ARHGEF12: variants seen among roughly 807,000 people sequenced by gnomAD.
ARHGEF12 encodes the protein KMT2A/ARHGEF12 fusion protein.
A neutral mutation model predicts 211.2 loss-of-function variants in ARHGEF12; 66 were observed. The observed-to-expected ratio is 0.31, with a 90% CI of 0.26 to 0.38. The LOEUF (loss-of-function observed/expected upper bound fraction) is 0.38. Ranked by LOEUF, ARHGEF12 falls within the 10% of genes least tolerant of loss-of-function variation. ARHGEF12 has a pLI of 1.00. For synonymous variants in ARHGEF12, 592 were observed against 638.4 expected, an observed-to-expected ratio of 0.93 and a Z score of 1.09; for missense variants, 1,429 against 1,869.5, an observed-to-expected ratio of 0.76 and a Z score of 4.34.
intron 22 of ARHGEF12, 187 bp from the exon 23 acceptor site, chr11:120,456,931 A>C: frequency 1.9e-6 from 1 of 532,938 alleles, no homozygotes; most frequent in East Asian, 3.3e-5. Flanking sequence ...CTGAGATGGG[A>C]GGATCATGTG....
chr11:120,455,771 A>C (rs1946343487), intron 22 of ARHGEF12, among the ~76,000 whole-genome samples: 1 of 152,240 alleles, frequency 6.6e-6, no homozygotes, highest in Admixed American at 6.5e-5. Context: ...GATTTTAGGC[A>C]GTGGATAGTA....
Position 120,480,094 on chromosome 11 carries a change from G to A in ARHGEF12, c.3901G>A (p.Glu1301Lys), listed in dbSNP as rs1245763307. Reference protein sequence around the residue: ...PQTDSVIQNSENIKAYHSGEG... With the variant: ...PQTDSVIQNSKNIKAYHSGEG... ...GACAGACAGTGTCATCCAGAACTCTGAAAATATTAAGGCCTATCATTCTGG... is the reference window on the plus strand; with the variant it reads ...GACAGACAGTGTCATCCAGAACTCTAAAAATATTAAGGCCTATCATTCTGG... The change falls in exon 38 of 41, where the codon GAA (glutamate) becomes AAA (lysine). Residue 1301 changes from glutamate (E) to lysine (K), a missense_variant. Physicochemically the swap from Glu to Lys is moderately conservative, Grantham distance 56. Coordinates refer to ENST00000397843, the MANE Select transcript of ARHGEF12 (RefSeq NM_015313.3). The A allele has an allele frequency of 1.9e-6, 3 of 1,614,168 alleles. No homozygotes were observed. Among genetic ancestry groups the A allele is most frequent in the Non-Finnish European group, 2.5e-6 (3 of 1,180,024 alleles).
intron 4 of ARHGEF12, among the ~76,000 whole-genome samples, chr11:120,416,250 T>C (rs1040943748): frequency 3.3e-5 from 5 of 152,316 alleles, no homozygotes; most frequent in African/African-American, 1.2e-4. Flanking sequence ...TGTCTGAATT[T>C]CATTAATTCA....
intron 36 of ARHGEF12, among the ~76,000 whole-genome samples, 158 bp from the exon 37 acceptor site, chr11:120,477,998 A>G (rs981913609): frequency 2.6e-5 from 4 of 151,954 alleles, no homozygotes; most frequent in Admixed American, 1.3e-4. Context: ...TCTGTGTGTC[A>G]GTATAACACT....
At chr11:120,435,715 A>G (rs914661693) in intron 11 of ARHGEF12, among the ~76,000 whole-genome samples, 1 of 151,582 alleles carries the variant, frequency 6.6e-6, no homozygotes, top group Non-Finnish European at 1.5e-5. Context: ...ACAGGGTTTC[A>G]CCGTGTTAGC....
rs1565521802 is a variant in ARHGEF12 at position 120,485,073 on chromosome 11, G to A, written c.4631G>A (p.Ser1544Asn). ...SALTDKHSDKS is the reference protein window; with the variant it reads ...SALTDKHSDKN ...GTATCTTTATTCTTCTCAGATAAAA[G>A]TTAGAGCCGCATGTCCTGGAGGTGA... Residue 1544 changes from serine (S) to asparagine (N), a missense_variant, in exon 41 of 41, where the codon AGT becomes AAT. Physicochemically the swap from Ser to Asn is conservative, Grantham distance 46. This residue lies in a region of ARHGEF12 where 467 missense variants were observed against 468.4 expected (regional missense o/e 1.00). Coordinates refer to ENST00000397843, the MANE Select transcript of ARHGEF12 (RefSeq NM_015313.3). 2 of 1,613,588 alleles carry A rather than the reference G, an allele frequency of 1.2e-6. No individual in the cohort carries two copies. The highest frequency in any genetic ancestry group is 1.1e-5 in the South Asian group (1 of 91,024).
intron 1 of ARHGEF12, among the ~76,000 whole-genome samples, chr11:120,356,372 C>T (rs1310606652): frequency 6.6e-6 from 1 of 152,160 alleles, no homozygotes; most frequent in East Asian, 1.9e-4. Context: ...AGGTGTGCGC[C>T]ACCACACCTG....
At chr11:120,422,704 G>C (rs1945229052) in intron 6 of ARHGEF12, among the ~76,000 whole-genome samples, 2 of 152,142 alleles carry the variant, frequency 1.3e-5, no homozygotes, top group Non-Finnish European at 2.9e-5. Flanking sequence ...TAGAATTGTA[G>C]TGGTAGATGT....
chr11:120,461,207 A>C (rs67617613), intron 27 of ARHGEF12, among the ~76,000 whole-genome samples: 30,888 of 152,164 alleles, frequency 0.2, 3,375 homozygotes, highest in South Asian at 0.24. Flanking sequence ...TGCCCAGACC[A>C]ATCAGAGGAA....
At chr11:120,472,815 C>T (rs560170031) in intron 30 of ARHGEF12, among the ~76,000 whole-genome samples, 3 of 152,050 alleles carry the variant, frequency 2.0e-5, no homozygotes, top group Admixed American at 1.3e-4. Flanking sequence ...CCACCATGCC[C>T]GGCTAATTTT....
In ARHGEF12 at chr11:120,385,330, T is replaced by C. The variant is rs1044907565; in HGVS notation, c.33-20788T>C. ...CCCTCTTGTGGTCAGTAAAATCATC[T>C]GACAAATGCCTTTCCAAGGATGTCG... is the stretch of plus-strand genomic sequence containing the variant. On this transcript the variant is annotated intron_variant, in intron 1 of 40. Coordinates refer to ENST00000397843, the MANE Select transcript of ARHGEF12 (RefSeq NM_015313.3). 7.1e-6 allele frequency: 7 copies of C among 985,276 alleles called. No homozygotes were observed. The African/African-American group carries it at 8.7e-5, about 12-fold the overall frequency. 61.0% of individuals were successfully genotyped at this position (985,276 alleles called of 1,614,324 possible). A position where few individuals can be genotyped will look rare whatever the true frequency, so the allele number is the denominator to read the frequency against.
At chr11:120,470,726 G>C (rs1766856027) in intron 30 of ARHGEF12, among the ~76,000 whole-genome samples, 1 of 152,332 alleles carries the variant, frequency 6.6e-6, no homozygotes, top group East Asian at 1.9e-4. Flanking sequence ...AGAGGGTTAT[G>C]TAGCAATATT....
rs535774010 is a variant in ARHGEF12, at chr11:120,400,196, T to C, written c.33-5922T>C. Among the ~76,000 whole-genome samples, 559 of 152,236 alleles carry C rather than the reference T, an allele frequency of 3.7e-3. 3 individuals are homozygous for C. Among genetic ancestry groups the C allele is most frequent in the African/African-American group, 0.012 (503 of 41,548 alleles). On this transcript the variant is annotated intron_variant, in intron 1 of 40. Transcript: ENST00000397843. ...TATGTGAAAAATGCCCATCCTTGAT[T>C]AAGGGGATTTTTTTCTACTCTTATT...
At chr11:120,369,208 A>T (rs1256126740) in intron 1 of ARHGEF12, among the ~76,000 whole-genome samples, 5 of 140,054 alleles carry the variant, frequency 3.6e-5, no homozygotes, top group African/African-American at 1.4e-4. Flanking sequence ...AGCTCACTGT[A>T]GCCTCTGCCT....
intron 11 of ARHGEF12, among the ~76,000 whole-genome samples, chr11:120,432,229 G>C (rs1336601067): frequency 6.6e-6 from 1 of 152,152 alleles, no homozygotes; most frequent in African/African-American, 2.4e-5. Flanking sequence ...ACCAACTGTT[G>C]ATATCTTTAA....
At chr11:120,461,754 A>G (rs1017740078) in intron 27 of ARHGEF12, among the ~76,000 whole-genome samples, 4 of 152,218 alleles carry the variant, frequency 2.6e-5, no homozygotes, top group African/African-American at 4.8e-5. Flanking sequence ...ATAACTTACT[A>G]TAGCTTCTAC....
At chr11:120,401,457 G>C (rs1286599685) in intron 1 of ARHGEF12, among the ~76,000 whole-genome samples, 2 of 152,166 alleles carry the variant, frequency 1.3e-5, no homozygotes, top group Non-Finnish European at 2.9e-5. Context: ...TAATAATAGA[G>C]CAAGGCAGTT....
intron 1 of ARHGEF12, among the ~76,000 whole-genome samples, chr11:120,340,077 G>A (rs1002640144): frequency 1.3e-5 from 2 of 152,150 alleles, no homozygotes; most frequent in Non-Finnish European, 2.9e-5. Context: ...AGTTTTCATC[G>A]TTTAGAATGA....
chr11:120,464,998 T>C (rs1217151974), intron 27 of ARHGEF12: 2 of 462,580 alleles, frequency 4.3e-6, no homozygotes, highest in Non-Finnish European at 7.5e-6. Flanking sequence ...AGAGCAACAC[T>C]GTCTCAAAAA....
Sources: allele counts gnomAD v4.1 joint callset (sites outside exome capture counted in the v4.1 genomes callset), GRCh38; gene constraint gnomAD v4.1.1; regional missense constraint gnomAD v4.1.1; transcripts MANE v1.5; gene names NCBI Gene and HGNC (gene_info 2026-07-23, HGNC 2026-07-21).